Variants in SAMD5 observed in about 807,000 individuals in gnomAD.
SAMD5 encodes the protein sterile alpha motif domain containing 5, also known as sterile alpha motif domain-containing protein 5.
SAMD5 carries 13 observed loss-of-function variants against 11.3 expected under a neutral mutation model. The observed-to-expected ratio is 1.15, with a 90% CI of 0.75 to 1.83. The LOEUF (loss-of-function observed/expected upper bound fraction) is 1.83. Among genes scored for constraint, SAMD5 ranks in the 40% most tolerant of loss-of-function variants. SAMD5 has a pLI of 0.00. For missense variants in SAMD5, 255 were observed against 239.1 expected (o/e 1.07, Z -0.44); for synonymous variants, 129 against 111.3 (o/e 1.16, Z -1.00).
the SAMD5 span, among the ~76,000 whole-genome samples, chr6:147,817,849 C>G: frequency 6.6e-6 from 1 of 152,126 alleles, no homozygotes; most frequent in Non-Finnish European, 1.5e-5. Context: ...CCTTCTAACC[C>G]CATGCAGTTG....
intron 1 of SAMD5, among the ~76,000 whole-genome samples, chr6:147,710,091 CA>C (rs1351941580): frequency 6.6e-6 from 1 of 152,208 alleles, no homozygotes. Flanking sequence ...CCTGCAGTTG[CA>C]GGCTTTCTCA....
chr6:147,655,310 C>G (rs1160193880), intron 1 of SAMD5, among the ~76,000 whole-genome samples: 1 of 152,170 alleles, frequency 6.6e-6, no homozygotes, highest in Non-Finnish European at 1.5e-5. Context: ...TACTATCTTG[C>G]TATGTGACTT....
the SAMD5 span, chr6:147,743,405 A>G: frequency 6.6e-6 from 1 of 152,156 alleles, no homozygotes; most frequent in African/African-American, 2.4e-5. Context: ...CAGGGAGCTG[A>G]GGCAGGAGAA....
At chr6:147,807,566 A>T in the SAMD5 span, among the ~76,000 whole-genome samples, 1 of 152,184 alleles carries the variant, frequency 6.6e-6, no homozygotes, top group Admixed American at 6.5e-5. Context: ...ACTAAAAAAA[A>T]ATCTTTGGTC....
At chr6:147,526,110 G>C (rs369445240) in intron 1 of SAMD5, among the ~76,000 whole-genome samples, 1 of 152,152 alleles carries the variant, frequency 6.6e-6, no homozygotes, top group Non-Finnish European at 1.5e-5. Flanking sequence ...AACTGGGCTT[G>C]TTGCAATTCA....
the SAMD5 span, among the ~76,000 whole-genome samples, chr6:147,803,672 C>G: frequency 3.9e-5 from 6 of 152,178 alleles, no homozygotes; most frequent in African/African-American, 1.4e-4. Context: ...AGCATGTAGA[C>G]AAGACATTTG....
At chr6:147,538,552 C>T (rs1367318959) in intron 1 of SAMD5, among the ~76,000 whole-genome samples, 1 of 152,118 alleles carries the variant, frequency 6.6e-6, no homozygotes, top group African/African-American at 2.4e-5. Flanking sequence ...TAACTATATA[C>T]CGGGGTGGAT....
chr6:147,713,106 G>C (rs1791422015), intron 1 of SAMD5, among the ~76,000 whole-genome samples: 1 of 152,196 alleles, frequency 6.6e-6, no homozygotes, highest in Admixed American at 6.5e-5. Context: ...GTTTGTGTTT[G>C]ATAATCTCAT....
At chr6:147,517,492 G>C (rs2780850) in intron 1 of SAMD5, among the ~76,000 whole-genome samples, 71,356 of 151,632 alleles carry the variant, frequency 0.47, 19,507 homozygotes, top group African/African-American at 0.77. Flanking sequence ...CTAATGATAG[G>C]GGTGTTTGAT....
the SAMD5 span, among the ~76,000 whole-genome samples, chr6:147,799,675 G>T: frequency 6.6e-6 from 1 of 150,844 alleles, no homozygotes; most frequent in Non-Finnish European, 1.5e-5. Context: ...TTCCAACTTG[G>T]TTCCATTCTC....
chr6:147,765,200 T>C, the SAMD5 span, among the ~76,000 whole-genome samples: 1 of 151,640 alleles, frequency 6.6e-6, no homozygotes, highest in South Asian at 2.1e-4. Context: ...TCTTGTTTTA[T>C]TTTCTTGTCT....
At position 147,608,647 on chromosome 6, in the gene SAMD5, G is replaced by T. The variant is rs1195136805; in HGVS notation, c.162+99260G>T. Among the ~76,000 whole-genome samples, 3 of 152,200 alleles carry T rather than the reference G, an allele frequency of 2.0e-5. No homozygotes were observed. The East Asian group carries it at 5.8e-4, about 29-fold the overall frequency. On this transcript the variant is annotated intron_variant, in intron 1 of 1. Transcript: ENST00000566741. ...AGGATGCTTACCAGAGGCTGGGAAGGGTAGTAGGGGTTGCAGGGAAGGGTG... is the reference window on the plus strand; with the variant it reads ...AGGATGCTTACCAGAGGCTGGGAAGTGTAGTAGGGGTTGCAGGGAAGGGTG...
chr6:147,603,364 T>C (rs193073448), intron 1 of SAMD5, among the ~76,000 whole-genome samples: 2 of 152,312 alleles, frequency 1.3e-5, no homozygotes, highest in East Asian at 1.9e-4. Flanking sequence ...TGGGTTTATA[T>C]TGATGAACAG....
the SAMD5 span, among the ~76,000 whole-genome samples, chr6:147,882,347 T>G: frequency 4.6e-5 from 7 of 152,220 alleles, no homozygotes; most frequent in African/African-American, 1.7e-4. Flanking sequence ...TTAGGAACTT[T>G]GTTAGTTGTA....
At chr6:147,587,814 A>C (rs1042791687) in intron 1 of SAMD5, among the ~76,000 whole-genome samples, 1 of 152,102 alleles carries the variant, frequency 6.6e-6, no homozygotes, top group African/African-American at 2.4e-5. Context: ...TACCAGAGCA[A>C]TCACTTATTT....
At chr6:147,941,139 T>G in the SAMD5 span, among the ~76,000 whole-genome samples, 18 of 152,318 alleles carry the variant, frequency 1.2e-4, 1 homozygote, top group South Asian at 3.7e-3. Context: ...TTCTTTATAC[T>G]GTATCTGTGT....
chr6:147,613,624 TTCAC>T (rs1283970226), intron 1 of SAMD5, among the ~76,000 whole-genome samples: 1 of 151,676 alleles, frequency 6.6e-6, no homozygotes, highest in Non-Finnish European at 1.5e-5. Context: ...GTCAAGTGAA[TTCAC>T]TAACACAAGA....
At chr6:147,791,164 G>A in the SAMD5 span, among the ~76,000 whole-genome samples, 4 of 151,984 alleles carry the variant, frequency 2.6e-5, no homozygotes, top group East Asian at 1.9e-4. Context: ...GTATGGTGGT[G>A]TGCACTTGTA....
chr6:147,916,827 A>G, the SAMD5 span, among the ~76,000 whole-genome samples: 7 of 149,964 alleles, frequency 4.7e-5, no homozygotes, highest in Non-Finnish European at 1.0e-4. Flanking sequence ...TGTTCTTGCA[A>G]TAGTTTACTG....
Sources: allele counts gnomAD v4.1 joint callset (sites outside exome capture counted in the v4.1 genomes callset), GRCh38; gene constraint gnomAD v4.1.1; transcripts MANE v1.5; gene names NCBI Gene and HGNC (gene_info 2026-07-23, HGNC 2026-07-21).